The following CTNND2 variants were observed in gnomAD, a reference collection of about 807,000 sequenced individuals.
CTNND2 encodes catenin delta-2.
In CTNND2, 22 loss-of-function variants were observed where a neutral mutation model predicts 144.4. That is an observed-to-expected ratio of 0.15 (90% CI 0.11 to 0.22). The LOEUF is 0.22. Among genes scored for constraint, CTNND2 ranks in the 10% least tolerant of loss-of-function variants. The pLI is 1.00. For missense variants in CTNND2, 1,353 were observed against 1,618.8 expected, an observed-to-expected ratio of 0.84 and a Z score of 2.82; for synonymous variants, 751 against 695.6, an observed-to-expected ratio of 1.08 and a Z score of -1.25.
chr5:11,181,943 TGGGGGG>T (rs1176970277), intron 11 of CTNND2, among the ~76,000 whole-genome samples: 1 of 139,822 alleles, frequency 7.2e-6, no homozygotes, highest in Admixed American at 7.1e-5. Flanking sequence ...GGTGTGTGTG[TGGGGGG>T]GTGCGTGGTA....
At chr5:11,895,906 T>C (rs1405606440) in intron 1 of CTNND2, among the ~76,000 whole-genome samples, 1 of 152,170 alleles carries the variant, frequency 6.6e-6, no homozygotes, top group Non-Finnish European at 1.5e-5. Context: ...AAACACAATA[T>C]TTCTCCTATG....
At chr5:11,575,232 T>A (rs1000581570) in intron 2 of CTNND2, among the ~76,000 whole-genome samples, 1 of 152,190 alleles carries the variant, frequency 6.6e-6, no homozygotes, top group Non-Finnish European at 1.5e-5. Context: ...CTTCTTCTCA[T>A]CTACCATAGA....
At chr5:11,085,469 C>T (rs537480922) in intron 15 of CTNND2, among the ~76,000 whole-genome samples, 153 of 152,238 alleles carry the variant, frequency 1.0e-3, no homozygotes, top group African/African-American at 3.6e-3. Flanking sequence ...GAATTTCTCG[C>T]TTGTGTCAGG....
chr5:11,877,434 A>AAAGTTAACTTTTAAGAGTAAACTTCTTAG (rs1735647307), intron 1 of CTNND2, among the ~76,000 whole-genome samples: 2 of 152,126 alleles, frequency 1.3e-5, no homozygotes, highest in African/African-American at 4.8e-5. Flanking sequence ...ATGATGTCTC[A>AAAGTTAACTTTTAAGAGTAAACTTCTTAG]AAGTTAACTT....
chr5:11,326,530 G>A (rs1399408482), intron 9 of CTNND2, among the ~76,000 whole-genome samples: 1 of 152,106 alleles, frequency 6.6e-6, no homozygotes, highest in African/African-American at 2.4e-5. Context: ...AATGTAAAGG[G>A]TACAATTCCT....
chr5:11,250,456 G>GCTCTCTCT (rs71595810), intron 9 of CTNND2, among the ~76,000 whole-genome samples: 2,443 of 72,998 alleles, frequency 0.033, 72 homozygotes, highest in Non-Finnish European at 0.047. Context: ...TTTAAAGGGT[G>GCTCTCTCT]CTCTCTCTCT....
At chr5:11,459,151 T>G (rs1161085234) in intron 3 of CTNND2, among the ~76,000 whole-genome samples, 1 of 152,210 alleles carries the variant, frequency 6.6e-6, no homozygotes, top group Non-Finnish European at 1.5e-5. Flanking sequence ...GCAGAGTGCT[T>G]GACACCAATT....
At chr5:11,195,957 T>C (rs1736817626) in intron 11 of CTNND2, among the ~76,000 whole-genome samples, 1 of 152,244 alleles carries the variant, frequency 6.6e-6, no homozygotes, top group South Asian at 2.1e-4. Flanking sequence ...AATTATTTAT[T>C]GCAAGACATA....
At position 11,781,174 on chromosome 5, in the gene CTNND2, C is replaced by T. The variant is rs576246950; in HGVS notation, c.38-48902G>A. Among the ~76,000 whole-genome samples, 17 of 152,072 alleles carry T rather than the reference C, an allele frequency of 1.1e-4. 1 individual carries two copies. The highest frequency in any genetic ancestry group is 3.4e-4 in the African/African-American group (14 of 41,464). ...GGGTTTGGCAAATATTATCTCACCC[C>T]GCAGCAAGCAAATGAGAGAGAGAAC... On this transcript the variant is annotated intron_variant, in intron 1 of 21. Coordinates refer to ENST00000304623, the MANE Select transcript of CTNND2 (RefSeq NM_001332.4).
chr5:11,128,761 T>TATATATAA (rs1754969493), intron 12 of CTNND2, among the ~76,000 whole-genome samples: 1 of 37,666 alleles, frequency 2.7e-5, no homozygotes, highest in South Asian at 9.7e-4. Context: ...TATATATAAA[T>TATATATAA]ATATATATTA....
At chr5:11,728,308 G>GAAA (rs34137942) in intron 2 of CTNND2, among the ~76,000 whole-genome samples, 1 of 144,296 alleles carries the variant, frequency 6.9e-6, no homozygotes. Flanking sequence ...TGTCTCTACT[G>GAAA]AAAAAAAAAA....
intron 3 of CTNND2, 84 bp downstream of exon 3, chr5:11,564,860 A>C: frequency 1.2e-6 from 1 of 863,510 alleles, no homozygotes; most frequent in Non-Finnish European, 1.9e-6. Flanking sequence ...CAATTCCACC[A>C]CCGGGTTGGA....
At chr5:11,217,889 T>G (rs2149858539) in intron 10 of CTNND2, among the ~76,000 whole-genome samples, 1 of 152,310 alleles carries the variant, frequency 6.6e-6, no homozygotes, top group East Asian at 1.9e-4. Context: ...GTAAAGCAGT[T>G]TGTGGATCTT....
chr5:11,179,082 G>A (rs1399012548), intron 11 of CTNND2, among the ~76,000 whole-genome samples: 14 of 152,018 alleles, frequency 9.2e-5, no homozygotes, highest in African/African-American at 2.7e-4. Flanking sequence ...ACAGTCTCTT[G>A]GATGGACACA....
intron 3 of CTNND2, among the ~76,000 whole-genome samples, chr5:11,417,562 C>T (rs746312906): frequency 6.6e-6 from 1 of 152,132 alleles, no homozygotes; most frequent in Admixed American, 6.5e-5. Context: ...CCACTGAACA[C>T]ATTAAAAGTA....
In CTNND2 at chr5:11,855,759, T is replaced by C. The variant is rs550035245; in HGVS notation, c.37+48058A>G. 4.5e-4 allele frequency among the ~76,000 whole-genome samples: 69 copies of C among 152,254 alleles called. No individual in the cohort carries two copies. The South Asian group carries it at 0.014, about 31-fold the overall frequency. The stretch of plus-strand genomic sequence containing the variant: ...ATCACCTGGCAACCTCTCAGATATG[T>C]GCATTCTTAGGCCTCACCATAGACC... On this transcript the variant is annotated intron_variant, in intron 1 of 21. Coordinates refer to ENST00000304623, the MANE Select transcript of CTNND2 (RefSeq NM_001332.4).
In CTNND2 at chr5:11,094,491, T is replaced by TC. The variant is rs542749241; in HGVS notation, c.2637+4083_2637+4084insG. Among the ~76,000 whole-genome samples the TC allele has an allele frequency of 8.2e-4, 124 of 150,342 alleles. No individual in the cohort carries two copies. In the East Asian group the frequency reaches 0.019, roughly 23 times the overall value. Reference sequence around the variant, plus strand: ...TACAAGAGTTCTTGCTTTTTTTTTTTTTTTTTTGAGATGGAGTCTCACTCT... The same window carrying TC: ...TACAAGAGTTCTTGCTTTTTTTTTTTCTTTTTTTGAGATGGAGTCTCACTCT... On this transcript the variant is annotated intron_variant, in intron 15 of 21. Coordinates refer to ENST00000304623, the MANE Select transcript of CTNND2 (RefSeq NM_001332.4).
chr5:11,717,744 G>A (rs2126709310), intron 2 of CTNND2, among the ~76,000 whole-genome samples: 1 of 152,168 alleles, frequency 6.6e-6, no homozygotes, highest in East Asian at 1.9e-4. Flanking sequence ...TTGTGCAGGG[G>A]AATTCCCATT....
chr5:11,702,217 G>C (rs1336215765), intron 2 of CTNND2, among the ~76,000 whole-genome samples: 1 of 152,144 alleles, frequency 6.6e-6, no homozygotes, highest in Non-Finnish European at 1.5e-5. Flanking sequence ...TGCTTCTTGT[G>C]TACCACAAGG....
Sources: gnomAD v4.1 joint callset for allele counts (sites outside exome capture counted in the v4.1 genomes callset) on GRCh38, gnomAD v4.1.1 for gene constraint, MANE v1.5 for transcripts, NCBI Gene and HGNC (gene_info 2026-07-23, HGNC 2026-07-21) for gene names.